Variants in N4BP2 observed in about 807,000 individuals in gnomAD.
The protein encoded by N4BP2 is NEDD4-binding protein 2.
N4BP2 carries 91 observed loss-of-function variants against 152.8 expected under a neutral mutation model. The observed-to-expected ratio is 0.60, with a 90% CI of 0.50 to 0.71. N4BP2 has a LOEUF of 0.71. N4BP2 is among the 30% of genes least tolerant of loss of function. N4BP2 has a pLI of 0.00. For missense variants in N4BP2, 1,923 were observed against 2,059.1 expected (o/e 0.93, Z 1.28); for synonymous variants, 646 against 705.3 (o/e 0.92, Z 1.33).
chr4:40,168,129 C>G, the N4BP2 span, among the ~76,000 whole-genome samples: 3 of 151,664 alleles, frequency 2.0e-5, no homozygotes, highest in Admixed American at 2.0e-4. Context: ...TAAATTGTAA[C>G]TTGATCATAC....
Position 40,147,074 on chromosome 4 carries a change from G to A in N4BP2, c.5143+2274G>A, listed in dbSNP as rs371124253. ...GACCCTGCGGCCTTCCGCAGTGTTTGTGTCCCTGGGTACTTGAGATTAGGG... is the reference window on the plus strand; with the variant it reads ...GACCCTGCGGCCTTCCGCAGTGTTTATGTCCCTGGGTACTTGAGATTAGGG... On this transcript the variant is annotated intron_variant, in intron 16 of 17. Transcript: ENST00000261435. Among the ~76,000 whole-genome samples the A allele has an allele frequency of 8.3e-3, 1,252 of 149,990 alleles. 7 individuals are homozygous for A. The highest frequency in any genetic ancestry group is 0.014 in the Non-Finnish European group (912 of 67,526).
intron 7 of N4BP2, among the ~76,000 whole-genome samples, chr4:40,116,673 T>C (rs1717368277): frequency 1.3e-5 from 2 of 152,216 alleles, no homozygotes; most frequent in Non-Finnish European, 2.9e-5. Context: ...TGCTTTCTGC[T>C]TCATTTTTTT....
intron 4 of N4BP2, among the ~76,000 whole-genome samples, chr4:40,104,409 GTT>G (rs35556710): frequency 0.67 from 100,922 of 149,710 alleles, 34,428 homozygotes; most frequent in South Asian, 0.77. Flanking sequence ...CTTATTTTTA[GTT>G]TTTTTTTTTT....
intron 2 of N4BP2, 37 bp downstream of exon 2, chr4:40,073,588 A>T (rs1441755920): frequency 1.4e-5 from 2 of 146,760 alleles, no homozygotes; most frequent in Non-Finnish European, 3.0e-5. Flanking sequence ...TGAATATTTT[A>T]CACATAAGAT....
At chr4:40,118,058 T>C in intron 8 of N4BP2, 34 bp downstream of exon 8, 1 of 1,461,880 alleles carries the variant, frequency 6.8e-7, no homozygotes. Context: ...AAAATTCAAT[T>C]TGAAATATAA....
intron 3 of N4BP2, among the ~76,000 whole-genome samples, chr4:40,100,925 C>T (rs921713342): frequency 1.3e-5 from 2 of 152,130 alleles, no homozygotes; most frequent in African/African-American, 2.4e-5. Context: ...AAGTTCCCTT[C>T]GAAAATAAAA....
chr4:40,118,246 C>T (rs980983136), intron 8 of N4BP2, among the ~76,000 whole-genome samples: 3 of 152,002 alleles, frequency 2.0e-5, no homozygotes, highest in Non-Finnish European at 2.9e-5. Context: ...TGGAGAAACC[C>T]GTCTCCACTA....
intron 2 of N4BP2, among the ~76,000 whole-genome samples, chr4:40,080,578 G>A (rs1018275166): frequency 1.3e-5 from 2 of 151,750 alleles, no homozygotes; most frequent in Admixed American, 6.6e-5. Context: ...CTAGTGACCT[G>A]CCCGCCTCGG....
intron 2 of N4BP2, among the ~76,000 whole-genome samples, chr4:40,084,100 G>A (rs772101502): frequency 6.6e-6 from 1 of 151,728 alleles, no homozygotes; most frequent in Non-Finnish European, 1.5e-5. Flanking sequence ...ACAGGCATGC[G>A]CCACCACTCC....
chr4:40,077,455 C>CTT (rs34189324), intron 2 of N4BP2, among the ~76,000 whole-genome samples: 2 of 125,604 alleles, frequency 1.6e-5, no homozygotes, highest in Non-Finnish European at 3.4e-5. Flanking sequence ...GCCAGAATAT[C>CTT]TTTTTTTTTT....
At chr4:40,118,362 G>A (rs1312767233) in intron 8 of N4BP2, among the ~76,000 whole-genome samples, 3 of 152,154 alleles carry the variant, frequency 2.0e-5, no homozygotes, top group Non-Finnish European at 4.4e-5. Context: ...GTTGCGGTGA[G>A]CTGAGGTTGC....
In N4BP2 at chr4:40,142,255, CA is replaced by C. The variant is rs1720080253; in HGVS notation, c.4786-417del. On this transcript the variant is annotated intron_variant, in intron 14 of 17. Coordinates refer to ENST00000261435, the MANE Select transcript of N4BP2 (RefSeq NM_018177.6). ...TTTCAAAACTCAGACCACCAATGAA[CA>C]GTTTTTTCAACTGCTCTGGTTCCTT... is the stretch of plus-strand genomic sequence containing the variant. The C allele has an allele frequency of 5.3e-5, 16 of 302,440 alleles. No homozygotes were observed. The South Asian group carries it at 6.2e-4, about 12-fold the overall frequency. The allele number at this position is 302,440 out of a possible 1,614,324, so 18.7% of individuals were successfully genotyped here. A position where few individuals can be genotyped will look rare whatever the true frequency, so the allele number is the denominator to read the frequency against.
chr4:40,077,313 G>GT lies in N4BP2; in HGVS notation c.-115+3768dup, dbSNP rs1191533520. 2.0e-5 allele frequency among the ~76,000 whole-genome samples: 3 copies of GT among 151,402 alleles called. No homozygotes were observed. In the East Asian group the frequency reaches 5.8e-4, roughly 29 times the overall value. The stretch of plus-strand genomic sequence containing the variant: ...CAGGTGTGTACCACCATGCCTGGCT[G>GT]TTTTTTGTATTTTTAGTGGAGACAG... On this transcript the variant is annotated intron_variant, in intron 2 of 17. Coordinates refer to ENST00000261435, the MANE Select transcript of N4BP2 (RefSeq NM_018177.6).
chr4:40,126,063 T>A, intron 11 of N4BP2, 71 bp from the exon 12 acceptor site: 1 of 973,800 alleles, frequency 1.0e-6, no homozygotes, highest in Non-Finnish European at 1.4e-6. Context: ...GAGGTAAATA[T>A]AACAGAGTGA....
chr4:40,127,682 A>T (rs1034332705), intron 12 of N4BP2, among the ~76,000 whole-genome samples: 1 of 151,798 alleles, frequency 6.6e-6, no homozygotes, highest in Non-Finnish European at 1.5e-5. Context: ...TTTTTTTGAG[A>T]TGGAGTCTCG....
At chr4:40,074,177 G>A (rs998294466) in intron 2 of N4BP2, among the ~76,000 whole-genome samples, 3 of 126,104 alleles carry the variant, frequency 2.4e-5, no homozygotes, top group East Asian at 2.1e-4. Flanking sequence ...TGCAACTTCC[G>A]TCTCCTGGGT....
At chr4:40,113,573 T>A in intron 7 of N4BP2, 65 bp downstream of exon 7, 2 of 1,110,498 alleles carry the variant, frequency 1.8e-6, no homozygotes. Context: ...TCCGTTTAGA[T>A]TTTTCCCCTT....
At chr4:40,065,501 A>C (rs1376699005) in intron 1 of N4BP2, among the ~76,000 whole-genome samples, 1 of 152,212 alleles carries the variant, frequency 6.6e-6, no homozygotes, top group Admixed American at 6.6e-5. Flanking sequence ...AGCAGAAGGC[A>C]GAAAGTCCAT....
the N4BP2 span, among the ~76,000 whole-genome samples, chr4:40,176,792 G>A: frequency 1.1e-4 from 17 of 152,314 alleles, no homozygotes; most frequent in African/African-American, 3.8e-4. Context: ...TGGAGCCTCG[G>A]GAAGTTCATG....
Sources: gnomAD v4.1 joint callset for allele counts (sites outside exome capture counted in the v4.1 genomes callset) on GRCh38, gnomAD v4.1.1 for gene constraint, MANE v1.5 for transcripts, NCBI Gene and HGNC (gene_info 2026-07-23, HGNC 2026-07-21) for gene names.